The following EPS8 variants were observed in gnomAD, a reference collection of about 807,000 sequenced individuals.
EPS8 encodes the protein EGFR pathway substrate 8, signaling adaptor, also known as epidermal growth factor receptor kinase substrate 8.
Under a neutral mutation model 103.8 loss-of-function variants are expected in EPS8, and 42 were observed. The observed-to-expected ratio is 0.40, with a 90% CI of 0.32 to 0.52. The LOEUF (loss-of-function observed/expected upper bound fraction) is 0.52, where lower values mean the gene tolerates loss of function less well. Ranked by LOEUF, EPS8 falls within the 20% of genes least tolerant of loss-of-function variation. EPS8 has a pLI of 0.40. For synonymous variants in EPS8, 344 were observed against 344.6 expected (o/e 1.00, Z 0.02); for missense variants, 969 against 1,005.1 (o/e 0.96, Z 0.49).
intron 1 of EPS8, among the ~76,000 whole-genome samples, chr12:15,685,614 A>G (rs1329000366): frequency 6.6e-6 from 1 of 152,210 alleles, no homozygotes; most frequent in Non-Finnish European, 1.5e-5. Context: ...GGGGATAGAA[A>G]ATGGCAATTT....
intron 1 of EPS8, among the ~76,000 whole-genome samples, chr12:15,740,614 G>A (rs982329854): frequency 1.3e-5 from 2 of 151,636 alleles, no homozygotes; most frequent in African/African-American, 4.8e-5. Flanking sequence ...AAGTTCCTGA[G>A]GCAAAAAGCT....
intron 8 of EPS8, among the ~76,000 whole-genome samples, chr12:15,663,948 AATATATAT>A (rs58743830): frequency 7.9e-4 from 39 of 49,418 alleles, no homozygotes; most frequent in African/African-American, 2.3e-3. Flanking sequence ...AAAAAAAAAT[AATATATAT>A]ATATATATAT....
At chr12:15,631,373 T>C (rs1410442571) in intron 18 of EPS8, 69 bp downstream of exon 18, 18 of 1,596,258 alleles carry the variant, frequency 1.1e-5, no homozygotes, top group Non-Finnish European at 8.5e-7. Context: ...GAATCAGCAG[T>C]AAACAATATT....
rs1946311608 is a variant in EPS8 at position 15,701,538 on chromosome 12, C to T, written c.-21-18566G>A. Reference sequence around the variant, plus strand: ...GATATGTATTAACATTTCACATCTACATAATCCATGCCTGGATTCAGGTAT... The same window carrying T: ...GATATGTATTAACATTTCACATCTATATAATCCATGCCTGGATTCAGGTAT... On this transcript the variant is annotated intron_variant, in intron 1 of 20. Transcript: ENST00000281172. The surrounding 1 kb of genome is among the most constrained non-coding windows in gnomAD (Gnocchi z 5.1). 6.6e-6 allele frequency among the ~76,000 whole-genome samples: 1 copy of T among 152,234 alleles called. No individual in the cohort carries two copies. The highest frequency in any genetic ancestry group is 6.5e-5 in the Admixed American group (1 of 15,286).
At chr12:15,651,124 A>C in intron 13 of EPS8, 118 bp from the exon 14 acceptor site, 1 of 754,852 alleles carries the variant, frequency 1.3e-6, no homozygotes, top group Non-Finnish European at 2.1e-6. Context: ...CAAACAACAA[A>C]AACAGCACAT....
chr12:15,643,464 G>C (rs1945265849), intron 15 of EPS8, among the ~76,000 whole-genome samples: 1 of 152,124 alleles, frequency 6.6e-6, no homozygotes, highest in South Asian at 2.1e-4. Context: ...TCTTGGCCAG[G>C]CGTGGTGGTT....
chr12:15,715,555 T>C (rs1946523613), intron 1 of EPS8, among the ~76,000 whole-genome samples: 2 of 151,912 alleles, frequency 1.3e-5, no homozygotes, highest in African/African-American at 2.4e-5. Flanking sequence ...TGGCTAATTT[T>C]TTGTGTTTTT....
At chr12:15,756,306 C>A (rs1338952129) in intron 1 of EPS8, among the ~76,000 whole-genome samples, 2 of 152,136 alleles carry the variant, frequency 1.3e-5, no homozygotes, top group African/African-American at 4.8e-5. Context: ...GGACATATTT[C>A]TTCTTTGTCT....
intron 9 of EPS8, 97 bp downstream of exon 9, chr12:15,661,929 A>G (rs1416017650): frequency 2.9e-5 from 26 of 884,590 alleles, no homozygotes; most frequent in Non-Finnish European, 4.5e-5. Flanking sequence ...TGGTTTCCAT[A>G]AAATATCTCT....
chr12:15,756,513 C>T, intron 1 of EPS8, among the ~76,000 whole-genome samples: 1 of 152,018 alleles, frequency 6.6e-6, no homozygotes, highest in East Asian at 1.9e-4. Context: ...ATATAGTTAC[C>T]TTTGATCCAC....
At chr12:15,740,241 A>G (rs1946806042) in intron 1 of EPS8, among the ~76,000 whole-genome samples, 1 of 152,168 alleles carries the variant, frequency 6.6e-6, no homozygotes. Flanking sequence ...ATACACACTA[A>G]GTTCACTAAA....
At chr12:15,758,490 G>A (rs1384675364) in intron 1 of EPS8, among the ~76,000 whole-genome samples, 1 of 152,174 alleles carries the variant, frequency 6.6e-6, no homozygotes, top group Non-Finnish European at 1.5e-5. Context: ...TGACCATTGA[G>A]CACTTGAAAT....
chr12:15,657,439 C>T (rs1193771529), intron 12 of EPS8, among the ~76,000 whole-genome samples: 1 of 152,132 alleles, frequency 6.6e-6, no homozygotes, highest in African/African-American at 2.4e-5. Flanking sequence ...TTCTGCATAG[C>T]ACGTGATTTT....
In EPS8 at chr12:15,787,796, C is replaced by T. The variant is rs555153392; in HGVS notation, c.-22+1365G>A. On this transcript the variant is annotated intron_variant, in intron 1 of 20. Coordinates refer to ENST00000281172, the MANE Select transcript of EPS8 (RefSeq NM_004447.6). The surrounding 1 kb of genome is among the most constrained non-coding windows in gnomAD (Gnocchi z 4.9). ...TTACCCTTTATGTGACAATTCTATACTGTTTTAACTGTCAAATTGTAAGTA... is the reference window on the plus strand; with the variant it reads ...TTACCCTTTATGTGACAATTCTATATTGTTTTAACTGTCAAATTGTAAGTA... Among the ~76,000 whole-genome samples the T allele has an allele frequency of 1.5e-4, 23 of 152,240 alleles. No homozygotes were observed. The South Asian group carries it at 3.3e-3, about 22-fold the overall frequency.
At position 15,728,993 on chromosome 12, in the gene EPS8, T is replaced by C. The variant is rs1467269518; in HGVS notation, c.-21-46021A>G. Among the ~76,000 whole-genome samples, 1 of 152,344 alleles carries C rather than the reference T, an allele frequency of 6.6e-6. No homozygotes were observed. The highest frequency in any genetic ancestry group is 2.4e-5 in the African/African-American group (1 of 41,590). ...GAAAGTCTTTACTCCTCCTTCACTTTTGAAGGATAATTTTACTGGATACTG... is the reference window on the plus strand; with the variant it reads ...GAAAGTCTTTACTCCTCCTTCACTTCTGAAGGATAATTTTACTGGATACTG... On this transcript the variant is annotated intron_variant, in intron 1 of 20. Transcript: ENST00000281172. The surrounding 1 kb of genome is among the most constrained non-coding windows in gnomAD (Gnocchi z 4.5).
intron 1 of EPS8, among the ~76,000 whole-genome samples, chr12:15,744,437 G>C (rs575456223): frequency 4.6e-5 from 7 of 152,286 alleles, no homozygotes; most frequent in South Asian, 2.1e-4. Flanking sequence ...GAGTGAAACT[G>C]ATCAGTAAGA....
chr12:15,669,772 A>C lies in EPS8; in HGVS notation c.258T>G (p.Asp86Glu). ...DRKDAMITVD[D>E]GIRKLKLLDA... ...CAAGCAATTTCAATTTCCTTATTCC[A>C]TCATCAACAGTGATCATAGCATCTT... The change falls in exon 5 of 21, where the codon GAT (aspartate) becomes GAG (glutamate). Residue 86 changes from aspartate to glutamate, a missense_variant. Physicochemically the swap from Asp to Glu is conservative, Grantham distance 45. Coordinates refer to ENST00000281172, the MANE Select transcript of EPS8 (RefSeq NM_004447.6). 4 of 1,613,580 alleles carry C rather than the reference A, an allele frequency of 2.5e-6. No individual in the cohort carries two copies. The highest frequency in any genetic ancestry group is 3.4e-6 in the Non-Finnish European group (4 of 1,179,796).
In EPS8 at chr12:15,684,406, A is replaced by T. The variant is rs1416871182; in HGVS notation, c.-21-1434T>A. 1 of 151,992 alleles carries T rather than the reference A, an allele frequency of 6.6e-6. No individual in the cohort carries two copies. The highest frequency in any genetic ancestry group is 1.5e-5 in the Non-Finnish European group (1 of 67,994). 9.4% of individuals were successfully genotyped at this position (151,992 alleles called of 1,614,324 possible). ...TTTCCTTTACTTAAATTAATACCTG[A>T]CTCTTCACTAAACTCTTAGCCCCCA... On this transcript the variant is annotated intron_variant, in intron 1 of 20. Coordinates refer to ENST00000281172, the MANE Select transcript of EPS8 (RefSeq NM_004447.6). The surrounding 1 kb of genome is among the most constrained non-coding windows in gnomAD (Gnocchi z 4.9).
chr12:15,722,543 T>C (rs1946608214), intron 1 of EPS8, among the ~76,000 whole-genome samples: 1 of 152,186 alleles, frequency 6.6e-6, no homozygotes, highest in South Asian at 2.1e-4. Flanking sequence ...ATTAATACAC[T>C]GTCAAAATTT....
Sources: gnomAD v4.1 joint callset for allele counts (sites outside exome capture counted in the v4.1 genomes callset) on GRCh38, gnomAD v4.1.1 for gene constraint, Gnocchi (gnomAD v3.1) non-coding constraint, MANE v1.5 for transcripts, NCBI Gene and HGNC (gene_info 2026-07-23, HGNC 2026-07-21) for gene names.